The following GALNT5 variants were observed in gnomAD, a reference collection of about 807,000 sequenced individuals.
The protein encoded by GALNT5 is UDP-GalNAc:polypeptide N-acetylgalactosaminyltransferase 5.
In GALNT5, 72 loss-of-function variants were observed where a neutral mutation model predicts 85.4. The ratio of observed to expected loss-of-function variants is 0.84; its 90% CI spans 0.70 to 1.03. The LOEUF (loss-of-function observed/expected upper bound fraction) is 1.03. Ranked by LOEUF, GALNT5 falls within the 50% of genes least tolerant of loss-of-function variation. The pLI, the probability that GALNT5 is intolerant of heterozygous loss-of-function variation, is 0.00. For synonymous variants in GALNT5, 404 were observed against 397.0 expected, an observed-to-expected ratio of 1.02 and a Z score of -0.21; for missense variants, 1,137 against 1,135.5, an observed-to-expected ratio of 1.00 and a Z score of -0.02.
chr2:157,279,750 A>C (rs1323685405), intron 1 of GALNT5, among the ~76,000 whole-genome samples: 1 of 152,220 alleles, frequency 6.6e-6, no homozygotes, highest in African/African-American at 2.4e-5. Flanking sequence ...AAGAAAGGGA[A>C]ATCCCCAGAC....
At chr2:157,275,389 G>C (rs940954978) in intron 1 of GALNT5, among the ~76,000 whole-genome samples, 2 of 152,080 alleles carry the variant, frequency 1.3e-5, no homozygotes, top group Non-Finnish European at 2.9e-5. Context: ...AGCTTGATAG[G>C]GATGGCACTG....
chr2:157,274,066 CAT>C (rs1377193191), intron 1 of GALNT5, among the ~76,000 whole-genome samples: 1 of 151,846 alleles, frequency 6.6e-6, no homozygotes, highest in Non-Finnish European at 1.5e-5. Context: ...TGAGTGAAAA[CAT>C]GTGGTGTTTG....
chr2:157,261,747 T>A (rs1405754424), intron 1 of GALNT5, among the ~76,000 whole-genome samples: 3 of 152,242 alleles, frequency 2.0e-5, no homozygotes, highest in Non-Finnish European at 4.4e-5. Flanking sequence ...TGTATTCATA[T>A]AGATAAAGGT....
chr2:157,274,770 T>A (rs1682682958), intron 1 of GALNT5, among the ~76,000 whole-genome samples: 1 of 152,044 alleles, frequency 6.6e-6, no homozygotes, highest in Non-Finnish European at 1.5e-5. Context: ...TTTTCTCCCA[T>A]TCTGTAGGCT....
chr2:157,259,606 C>T, intron 1 of GALNT5, 70 bp downstream of exon 1: 1 of 1,088,960 alleles, frequency 9.2e-7, no homozygotes, highest in Non-Finnish European at 1.2e-6. Context: ...GGATTTATTG[C>T]TAGATAATTC....
At chr2:157,260,511 G>A (rs551215419) in intron 1 of GALNT5, among the ~76,000 whole-genome samples, 1 of 152,288 alleles carries the variant, frequency 6.6e-6, no homozygotes, top group South Asian at 2.1e-4. Flanking sequence ...ACTGATAAGT[G>A]AAGGTACTCA....
chr2:157,272,060 A>G (rs1054837356), intron 1 of GALNT5, among the ~76,000 whole-genome samples: 1 of 152,174 alleles, frequency 6.6e-6, no homozygotes, highest in Admixed American at 6.5e-5. Context: ...AAAAATAGAG[A>G]GTGGCCAAAG....
intron 3 of GALNT5, among the ~76,000 whole-genome samples, chr2:157,288,269 T>C (rs1683019573): frequency 6.6e-6 from 1 of 152,234 alleles, no homozygotes. Flanking sequence ...AAATTTTAAG[T>C]AAGCAACAAA....
At chr2:157,281,260 T>C (rs1682848778) in intron 1 of GALNT5, among the ~76,000 whole-genome samples, 1 of 152,152 alleles carries the variant, frequency 6.6e-6, no homozygotes. Context: ...AGACTGGATT[T>C]CACCATGTTG....
intron 1 of GALNT5, among the ~76,000 whole-genome samples, chr2:157,271,184 A>T (rs987328554): frequency 7.9e-5 from 12 of 152,244 alleles, no homozygotes; most frequent in Admixed American, 6.5e-4. Flanking sequence ...AAAGGAATAG[A>T]AGCAGCCAGC....
intron 9 of GALNT5, 50 bp downstream of exon 9, chr2:157,308,778 C>T (rs1415485664): frequency 7.0e-7 from 1 of 1,428,964 alleles, no homozygotes; most frequent in Non-Finnish European, 9.7e-7. Flanking sequence ...GACTTTTGAT[C>T]AAATAGGACA....
At chr2:157,303,215 C>T (rs1683377602) in intron 7 of GALNT5, among the ~76,000 whole-genome samples, 1 of 152,110 alleles carries the variant, frequency 6.6e-6, no homozygotes, top group South Asian at 2.1e-4. Flanking sequence ...TGCTGGCAAA[C>T]AGTCTATAGC....
rs963118871 is a variant in GALNT5, at chr2:157,315,105, C to T, written c.*3757C>T. On this transcript the variant is annotated 3_prime_UTR_variant, in exon 10 of 10. Coordinates refer to ENST00000259056, the MANE Select transcript of GALNT5 (RefSeq NM_014568.3). ...AAAATAATAATAATAATTTTTACCT[C>T]AGAAGAAAGCCCCAAAATCTTGGAT... 3.3e-5 allele frequency among the ~76,000 whole-genome samples: 5 copies of T among 151,952 alleles called. No homozygotes were observed. The highest frequency in any genetic ancestry group is 4.8e-5 in the African/African-American group (2 of 41,354).
intron 7 of GALNT5, among the ~76,000 whole-genome samples, chr2:157,305,351 A>G (rs988655996): frequency 6.6e-6 from 1 of 152,222 alleles, no homozygotes; most frequent in Non-Finnish European, 1.5e-5. Context: ...AAAGGCTTGA[A>G]GGGGTCAGTC....
In GALNT5 at chr2:157,259,484, C is replaced by T. The variant is rs550649517; in HGVS notation, c.1402C>T (p.Leu468Phe). The change falls in exon 1 of 10, where the codon CTT becomes TTT. Residue 468 changes from leucine to phenylalanine, a missense_variant. Physicochemically the swap from Leu to Phe is conservative, Grantham distance 22. Coordinates refer to ENST00000259056, the MANE Select transcript of GALNT5 (RefSeq NM_014568.3). Reference sequence around the variant, plus strand: ...GAAAGAAGGAAACTTCAATGTCTACCTTAGCGATTTGATCCCAGTGGATAG... The same window carrying T: ...GAAAGAAGGAAACTTCAATGTCTACTTTAGCGATTTGATCCCAGTGGATAG... ...RWKEGNFNVY[L>F]SDLIPVDRAI... is the part of the protein sequence containing the mutation. 8.7e-5 allele frequency: 126 copies of T among 1,440,208 alleles called. 1 individual carries two copies. The South Asian group carries it at 1.6e-3, about 18-fold the overall frequency. The allele number at this position is 1,440,208 out of a possible 1,614,324, so 89.2% of individuals were successfully genotyped here. A position where few individuals can be genotyped will look rare whatever the true frequency, so the allele number is the denominator to read the frequency against.
intron 5 of GALNT5, among the ~76,000 whole-genome samples, 168 bp from the exon 6 acceptor site, chr2:157,299,380 G>A (rs904870289): frequency 3.2e-4 from 49 of 152,140 alleles, no homozygotes; most frequent in African/African-American, 1.2e-3. Flanking sequence ...CCATGATCCA[G>A]GGATCGCATC....
chr2:157,258,836 G>A lies in GALNT5; in HGVS notation c.754G>A (p.Ala252Thr), dbSNP rs1361684829. The A allele has an allele frequency of 6.3e-7, 1 of 1,585,090 alleles. No homozygotes were observed. The highest frequency in any genetic ancestry group is 1.4e-5 in the African/African-American group (1 of 73,742). ...CACAGCAGTGCCGAAGTCTGGGGAA[G>A]CCATGGCCTTAAACAAAACTAAGAC... Reference protein sequence around the residue: ...ASTAVPKSGEAMALNKTKTQS... With the variant: ...ASTAVPKSGETMALNKTKTQS... The change falls in exon 1 of 10, where the codon GCC becomes ACC. Residue 252 changes from alanine (A) to threonine (T), a missense_variant. Coordinates refer to ENST00000259056, the MANE Select transcript of GALNT5 (RefSeq NM_014568.3).
At chr2:157,310,623 A>G (rs2105173445) in intron 9 of GALNT5, among the ~76,000 whole-genome samples, 1 of 152,336 alleles carries the variant, frequency 6.6e-6, no homozygotes, top group Middle Eastern at 3.4e-3. Flanking sequence ...AGTAAGGTCT[A>G]TCTAATTTAT....
chr2:157,284,694 A>G (rs1682934489), intron 2 of GALNT5, among the ~76,000 whole-genome samples: 1 of 152,234 alleles, frequency 6.6e-6, no homozygotes, highest in African/African-American at 2.4e-5. Flanking sequence ...TGATCTAACT[A>G]TGGCTCCTTG....
Sources: gnomAD v4.1 joint callset for allele counts (sites outside exome capture counted in the v4.1 genomes callset) on GRCh38, gnomAD v4.1.1 for gene constraint, MANE v1.5 for transcripts, NCBI Gene and HGNC (gene_info 2026-07-23, HGNC 2026-07-21) for gene names.